SMC6: variants seen among roughly 807,000 people sequenced by gnomAD.
SMC6 encodes structural maintenance of chromosomes 6.
SMC6 carries 79 observed loss-of-function variants against 142.2 expected under a neutral mutation model. That is an observed-to-expected ratio of 0.56 (90% confidence interval 0.46 to 0.67). The LOEUF is 0.67. Among genes scored for constraint, SMC6 ranks in the 30% least tolerant of loss-of-function variants. The pLI is 0.00. For synonymous variants in SMC6, 411 were observed against 412.4 expected (o/e 1.00, Z 0.04); for missense variants, 1,072 against 1,284.0 (o/e 0.83, Z 2.52).
At chr2:17,688,865 C>T (rs1433181995) in intron 23 of SMC6, among the ~76,000 whole-genome samples, 1 of 152,106 alleles carries the variant, frequency 6.6e-6, no homozygotes, top group East Asian at 1.9e-4. Context: ...ATAACATAGG[C>T]TCTTCCTTAC....
chr2:17,736,462 A>G (rs561554684), intron 5 of SMC6, among the ~76,000 whole-genome samples: 3 of 152,274 alleles, frequency 2.0e-5, no homozygotes, highest in African/African-American at 7.2e-5. Flanking sequence ...AACTGAGAAA[A>G]CATTTAACAG....
At chr2:17,725,159 T>C (rs2125026345) in intron 9 of SMC6, 98 bp downstream of exon 9, 2 of 764,310 alleles carry the variant, frequency 2.6e-6, no homozygotes, top group East Asian at 5.7e-5. Flanking sequence ...ACTAGTTTTA[T>C]ATAAATATAC....
intron 16 of SMC6, 55 bp from the exon 17 acceptor site, chr2:17,708,808 T>C (rs1668675625): frequency 4.5e-6 from 3 of 670,888 alleles, no homozygotes; most frequent in Non-Finnish European, 6.5e-6. Context: ...TATAAATATA[T>C]ACATATGAAA....
At chr2:17,732,556 G>A (rs920019366) in intron 5 of SMC6, among the ~76,000 whole-genome samples, 5 of 151,966 alleles carry the variant, frequency 3.3e-5, no homozygotes, top group East Asian at 1.9e-4. Flanking sequence ...AAAATTAGCC[G>A]GGCATGGTAG....
intron 2 of SMC6, among the ~76,000 whole-genome samples, chr2:17,750,177 C>T (rs911913759): frequency 3.3e-5 from 5 of 152,144 alleles, no homozygotes; most frequent in African/African-American, 1.2e-4. Flanking sequence ...TGAAAACATC[C>T]TGTGGCTCAA....
intron 18 of SMC6, among the ~76,000 whole-genome samples, chr2:17,706,037 G>A (rs1668491971): frequency 6.6e-6 from 1 of 152,126 alleles, no homozygotes; most frequent in East Asian, 1.9e-4. Flanking sequence ...AGATCCAGTA[G>A]AGAAATTTTG....
rs1200858708 is a variant in SMC6 at position 17,707,212 on chromosome 2, C to T, written c.2006+7G>A. ...AATGATACAGTAAAGCTAAACTTGA[C>T]TCTAACCTTATTTCAGAATCCACAT... On this transcript the variant is annotated splice_region_variant and intron_variant, in intron 18 of 27. Transcript: ENST00000448223. The T allele has an allele frequency of 6.4e-7, 1 of 1,560,426 alleles. No homozygotes were observed. The highest frequency in any genetic ancestry group is 1.4e-5 in the African/African-American group (1 of 72,156).
At chr2:17,689,886 T>G (rs1667626073) in intron 23 of SMC6, among the ~76,000 whole-genome samples, 2 of 152,320 alleles carry the variant, frequency 1.3e-5, no homozygotes, top group East Asian at 3.9e-4. Flanking sequence ...TTTTTGTTGT[T>G]TTTGAGTTTT....
Position 17,726,558 on chromosome 2 carries a change from T to C in SMC6, c.544-89A>G. 4.7e-6 allele frequency: 5 copies of C among 1,069,140 alleles called. No individual in the cohort carries two copies. The South Asian group carries it at 6.1e-5, about 13-fold the overall frequency. 66.2% of individuals were successfully genotyped at this position (1,069,140 alleles called of 1,614,324 possible). On this transcript the variant is annotated intron_variant, in intron 7 of 27. Coordinates refer to ENST00000448223, the MANE Select transcript of SMC6 (RefSeq NM_001142286.2). ...TGAAACATACATTACAAGTGACCTA[T>C]GGTGCCATCAGGAAGGCCAAGCAAT...
chr2:17,749,270 A>G (rs1670900909), intron 2 of SMC6, among the ~76,000 whole-genome samples: 1 of 152,236 alleles, frequency 6.6e-6, no homozygotes, highest in Admixed American at 6.5e-5. Context: ...AAAGCTCGTC[A>G]TAGTTTTTAA....
chr2:17,733,702 T>C (rs750828671), intron 5 of SMC6, among the ~76,000 whole-genome samples: 1 of 152,176 alleles, frequency 6.6e-6, no homozygotes, highest in Non-Finnish European at 1.5e-5. Flanking sequence ...AGAAACCAAT[T>C]TGGGGCATTA....
At chr2:17,707,636 AT>A (rs1399698737) in intron 17 of SMC6, among the ~76,000 whole-genome samples, 2 of 152,116 alleles carry the variant, frequency 1.3e-5, no homozygotes, top group African/African-American at 4.8e-5. Context: ...TTATTTTTAA[AT>A]TCACATATTG....
chr2:17,745,202 T>C (rs771122222), intron 3 of SMC6, among the ~76,000 whole-genome samples: 3 of 152,186 alleles, frequency 2.0e-5, no homozygotes, highest in Non-Finnish European at 4.4e-5. Flanking sequence ...CATTGTCTGG[T>C]TTTGGCATCA....
At position 17,738,356 on chromosome 2, in the gene SMC6, T is replaced by C. The variant is rs185442207; in HGVS notation, c.239-30A>G. ...AGAAACAGATGTTGAAGAAATCACA[T>C]TCATTAAAAGAAAAAGGAAAAAGCT... On this transcript the variant is annotated intron_variant, in intron 4 of 27. Coordinates refer to ENST00000448223, the MANE Select transcript of SMC6 (RefSeq NM_001142286.2). The C allele has an allele frequency of 9.7e-4, 1,493 of 1,534,130 alleles. 11 individuals are homozygous for C. The African/African-American group carries it at 0.016, about 17-fold the overall frequency.
chr2:17,683,911 G>A, intron 23 of SMC6, 148 bp from the exon 24 acceptor site: 1 of 713,342 alleles, frequency 1.4e-6, no homozygotes, highest in Non-Finnish European at 2.4e-6. Context: ...AAATTTCCAG[G>A]CAAATTACAC....
chr2:17,683,465 C>T (rs576270802), intron 24 of SMC6, among the ~76,000 whole-genome samples, 173 bp downstream of exon 24: 12 of 152,124 alleles, frequency 7.9e-5, no homozygotes, highest in Non-Finnish European at 1.8e-4. Context: ...TGGATAAGCT[C>T]ACCATAAAGA....
intron 9 of SMC6, among the ~76,000 whole-genome samples, chr2:17,723,213 C>T (rs1222860161): frequency 6.6e-6 from 1 of 152,130 alleles, no homozygotes; most frequent in African/African-American, 2.4e-5. Context: ...CTACCAATAT[C>T]CTTAACTTAA....
intron 16 of SMC6, among the ~76,000 whole-genome samples, chr2:17,713,005 ACCT>A (rs959380315): frequency 3.3e-5 from 5 of 151,966 alleles, no homozygotes; most frequent in Non-Finnish European, 7.4e-5. Context: ...TCTTACCACA[ACCT>A]CCTATCCTTC....
chr2:17,673,982 A>G (rs1252025766), intron 25 of SMC6, among the ~76,000 whole-genome samples: 1 of 152,148 alleles, frequency 6.6e-6, no homozygotes, highest in Non-Finnish European at 1.5e-5. Context: ...ACATATATGT[A>G]TGATTTATGC....
Sources: allele counts gnomAD v4.1 joint callset (sites outside exome capture counted in the v4.1 genomes callset), GRCh38; gene constraint gnomAD v4.1.1; transcripts MANE v1.5; gene names NCBI Gene and HGNC (gene_info 2026-07-23, HGNC 2026-07-21).